Variants in FOXP1 observed in about 807,000 individuals in gnomAD.
The protein encoded by FOXP1 is forkhead box protein P1.
Under a neutral mutation model 98.2 loss-of-function variants are expected in FOXP1, and 15 were observed. That is an observed-to-expected ratio of 0.15 (90% CI 0.10 to 0.24). The LOEUF is 0.24. Ranked by LOEUF, FOXP1 falls within the 10% of genes least tolerant of loss-of-function variation. The pLI is 1.00. For missense variants in FOXP1, 633 were observed against 848.5 expected, an observed-to-expected ratio of 0.75 and a Z score of 3.15; for synonymous variants, 371 against 314.5, an observed-to-expected ratio of 1.18 and a Z score of -1.90.
intron 3 of FOXP1, among the ~76,000 whole-genome samples, chr3:71,361,861 G>A (rs1434879729): frequency 1.3e-5 from 2 of 152,174 alleles, no homozygotes; most frequent in African/African-American, 4.8e-5. Flanking sequence ...TGTGTTTCAT[G>A]AATAGTAAAT....
At chr3:71,122,196 C>T (rs896082988) in intron 6 of FOXP1, among the ~76,000 whole-genome samples, 8 of 152,140 alleles carry the variant, frequency 5.3e-5, no homozygotes, top group African/African-American at 1.9e-4. Context: ...CACACATACT[C>T]GGGATGCCCT....
chr3:71,403,955 T>C lies in FOXP1; in HGVS notation c.-167-44711A>G, dbSNP rs1376235589. ...TAGATGGCATGTGAAGAAAAGAATGTAAAATTCCATTTTATTTGCTTTCAA... is the reference window on the plus strand; with the variant it reads ...TAGATGGCATGTGAAGAAAAGAATGCAAAATTCCATTTTATTTGCTTTCAA... On this transcript the variant is annotated intron_variant, in intron 3 of 20. Coordinates refer to ENST00000649528, the MANE Select transcript of FOXP1 (RefSeq NM_001349338.3). 2.0e-5 allele frequency among the ~76,000 whole-genome samples: 3 copies of C among 152,084 alleles called. No individual in the cohort carries two copies. The East Asian group carries it at 5.8e-4, about 29-fold the overall frequency.
chr3:70,958,246 T>A lies in FOXP1; in HGVS notation c.*1001A>T, dbSNP rs1437416387. 7 of 483,372 alleles carry A rather than the reference T, an allele frequency of 1.4e-5. No individual in the cohort carries two copies. The highest frequency in any genetic ancestry group is 1.2e-4 in the East Asian group (3 of 24,700). 29.9% of individuals were successfully genotyped at this position (483,372 alleles called of 1,614,324 possible). On this transcript the variant is annotated 3_prime_UTR_variant, in exon 21 of 21. Coordinates refer to ENST00000649528, the MANE Select transcript of FOXP1 (RefSeq NM_001349338.3). ...AAAAAAAGAAAATCCGAAACACCCC[T>A]CCCCCGAACCACCCCCAATACTGCT...
Position 71,417,257 on chromosome 3 carries a change from C to T in FOXP1, c.-167-58013G>A, listed in dbSNP as rs186775110. Among the ~76,000 whole-genome samples, 216 of 152,322 alleles carry T rather than the reference C, an allele frequency of 1.4e-3. 1 individual carries two copies. The highest frequency in any genetic ancestry group is 5.0e-3 in the African/African-American group (209 of 41,570). ...GCAAATAAACATTTTGAGTCCCCACCTCACCCACCATGAAATTTACAGATG... is the reference window on the plus strand; with the variant it reads ...GCAAATAAACATTTTGAGTCCCCACTTCACCCACCATGAAATTTACAGATG... On this transcript the variant is annotated intron_variant, in intron 3 of 20. Transcript: ENST00000649528.
chr3:71,313,539 T>A (rs1464536548), intron 4 of FOXP1, among the ~76,000 whole-genome samples: 2 of 151,852 alleles, frequency 1.3e-5, no homozygotes, highest in African/African-American at 4.8e-5. Flanking sequence ...TTTTTCTTTT[T>A]TTTTTTGAGA....
chr3:71,129,334 C>T (rs1388945197), intron 6 of FOXP1, among the ~76,000 whole-genome samples: 8 of 152,136 alleles, frequency 5.3e-5, no homozygotes, highest in East Asian at 1.9e-4. Context: ...GCCACCATAG[C>T]GATAGCAATA....
intron 5 of FOXP1, among the ~76,000 whole-genome samples, chr3:71,248,525 G>T (rs902677029): frequency 6.6e-6 from 1 of 151,964 alleles, no homozygotes; most frequent in Non-Finnish European, 1.5e-5. Flanking sequence ...GGTGGATCAC[G>T]AGCTCAGGAG....
In FOXP1 at chr3:71,285,188, T is replaced by C. The variant is rs182413231; in HGVS notation, c.-12+14632A>G. On this transcript the variant is annotated intron_variant, in intron 5 of 20. Transcript: ENST00000649528. The stretch of plus-strand genomic sequence containing the variant: ...CACGCAGTTCGAATCAATTAGCTTA[T>C]GCCTCAAAAATAGTAAGAAACACAC... Among the ~76,000 whole-genome samples the C allele has an allele frequency of 4.3e-4, 65 of 152,306 alleles. 1 individual carries two copies. Among genetic ancestry groups the C allele is most frequent in the Admixed American group, 1.2e-3 (18 of 15,296 alleles).
intron 3 of FOXP1, among the ~76,000 whole-genome samples, chr3:71,420,755 G>T (rs113066300): frequency 6.7e-6 from 1 of 150,228 alleles, no homozygotes; most frequent in Non-Finnish European, 1.5e-5. Flanking sequence ...CACCCAGGCC[G>T]CAATGCAATG....
At chr3:71,281,585 C>A (rs1441659299) in intron 5 of FOXP1, among the ~76,000 whole-genome samples, 1 of 152,220 alleles carries the variant, frequency 6.6e-6, no homozygotes, top group East Asian at 1.9e-4. Flanking sequence ...TGCTCTCAGG[C>A]CTGTCAAGAG....
At chr3:71,076,443 A>T (rs183623581) in intron 7 of FOXP1, among the ~76,000 whole-genome samples, 146 of 152,328 alleles carry the variant, frequency 9.6e-4, no homozygotes, top group Non-Finnish European at 1.6e-3. Context: ...GTAGAATAAG[A>T]CAAGAGTTAT....
chr3:71,581,505 C>G (rs558633301), intron 2 of FOXP1, 44 bp downstream of exon 2: 23 of 985,348 alleles, frequency 2.3e-5, no homozygotes, highest in Non-Finnish European at 2.7e-5. Flanking sequence ...GCCTGGGGCT[C>G]TCCGGTGTCC....
At chr3:71,190,896 T>A (rs2062940268) in intron 6 of FOXP1, among the ~76,000 whole-genome samples, 1 of 152,210 alleles carries the variant, frequency 6.6e-6, no homozygotes, top group Non-Finnish European at 1.5e-5. Context: ...TAACACTTCA[T>A]AATTACAATA....
intron 2 of FOXP1, among the ~76,000 whole-genome samples, chr3:71,521,959 C>T (rs1001558511): frequency 1.3e-5 from 2 of 152,078 alleles, no homozygotes; most frequent in Non-Finnish European, 2.9e-5. Context: ...TTATGAAGCC[C>T]GCTGATTTGG....
chr3:71,517,321 T>C (rs572144652), intron 2 of FOXP1, among the ~76,000 whole-genome samples: 27 of 152,318 alleles, frequency 1.8e-4, no homozygotes, highest in Admixed American at 2.0e-4. Flanking sequence ...ATGATGGAAA[T>C]GCTGTCTAGT....
intron 3 of FOXP1, among the ~76,000 whole-genome samples, chr3:71,493,089 T>C (rs756206939): frequency 7.0e-6 from 1 of 143,430 alleles, no homozygotes; most frequent in Admixed American, 6.9e-5. Context: ...TGTTGTCTTA[T>C]TTCTTGGTGG....
intron 2 of FOXP1, among the ~76,000 whole-genome samples, chr3:71,579,308 T>C (rs1311113061): frequency 6.6e-6 from 1 of 152,340 alleles, no homozygotes; most frequent in South Asian, 2.1e-4. Context: ...TCCAGCAATA[T>C]AAACCCCTTA....
chr3:71,288,360 A>C (rs1367319868), intron 5 of FOXP1: 1 of 152,234 alleles, frequency 6.6e-6, no homozygotes, highest in Non-Finnish European at 1.5e-5. Context: ...AGAAATCTTG[A>C]AAATGTTCAA....
intron 6 of FOXP1, among the ~76,000 whole-genome samples, chr3:71,117,925 C>T (rs1053798473): frequency 1.3e-4 from 20 of 152,202 alleles, no homozygotes; most frequent in African/African-American, 4.6e-4. Flanking sequence ...CAGTTGCACA[C>T]ATTCACATTT....
Sources: allele counts gnomAD v4.1 joint callset (sites outside exome capture counted in the v4.1 genomes callset), GRCh38; gene constraint gnomAD v4.1.1; transcripts MANE v1.5; gene names NCBI Gene and HGNC (gene_info 2026-07-23, HGNC 2026-07-21).